The following SRRM4 variants were observed in gnomAD, a reference collection of about 807,000 sequenced individuals.
SRRM4 encodes serine/arginine repetitive matrix 4.
Under a neutral mutation model 68.9 loss-of-function variants are expected in SRRM4, and 33 were observed. The observed-to-expected ratio is 0.48, with a 90% confidence interval of 0.36 to 0.64. SRRM4 has a LOEUF of 0.64. SRRM4 is among the 30% of genes least tolerant of loss of function. SRRM4 has a pLI of 0.00. For missense variants in SRRM4, 817 were observed against 827.1 expected, an observed-to-expected ratio of 0.99 and a Z score of 0.15; for synonymous variants, 318 against 318.8, an observed-to-expected ratio of 1.00 and a Z score of 0.03.
intron 12 of SRRM4, among the ~76,000 whole-genome samples, chr12:119,155,819 G>C (rs943758872): frequency 2.0e-5 from 3 of 152,208 alleles, no homozygotes; most frequent in African/African-American, 7.2e-5. Flanking sequence ...GTGTCACACA[G>C]CTATTAAGTG....
chr12:119,003,103 T>G (rs1953395733), intron 1 of SRRM4, among the ~76,000 whole-genome samples: 1 of 151,854 alleles, frequency 6.6e-6, no homozygotes, highest in African/African-American at 2.4e-5. Flanking sequence ...GTGCTCACAG[T>G]CACCATACCA....
intron 2 of SRRM4, 146 bp from the exon 3 acceptor site, chr12:119,114,132 C>G: frequency 1.7e-6 from 1 of 588,336 alleles, no homozygotes; most frequent in Non-Finnish European, 3.1e-6. Context: ...TGAAGTGTGA[C>G]CCAATCAGCC....
chr12:119,079,685 G>A (rs1953936466), intron 1 of SRRM4, among the ~76,000 whole-genome samples: 1 of 152,112 alleles, frequency 6.6e-6, no homozygotes, highest in Non-Finnish European at 1.5e-5. Flanking sequence ...AGAGGACTTG[G>A]GGGTCAGCTA....
At chr12:119,047,608 A>G (rs1353690600) in intron 1 of SRRM4, among the ~76,000 whole-genome samples, 2 of 152,204 alleles carry the variant, frequency 1.3e-5, no homozygotes, top group Non-Finnish European at 2.9e-5. Context: ...GTGCAACTGC[A>G]GTTAGTTTAT....
chr12:119,155,902 A>G (rs995415717), intron 12 of SRRM4, among the ~76,000 whole-genome samples: 2 of 152,184 alleles, frequency 1.3e-5, no homozygotes, highest in Admixed American at 1.3e-4. Flanking sequence ...GAGGAAAGCT[A>G]AGATAGAGAG....
intron 1 of SRRM4, among the ~76,000 whole-genome samples, chr12:119,086,136 G>A (rs141816024): frequency 6.0e-4 from 91 of 152,214 alleles, no homozygotes; most frequent in South Asian, 5.4e-3. Flanking sequence ...CACCCTCAAC[G>A]TAACTAACCT....
intron 4 of SRRM4, among the ~76,000 whole-genome samples, chr12:119,117,984 C>A (rs1444517341): frequency 6.6e-6 from 1 of 152,126 alleles, no homozygotes; most frequent in Non-Finnish European, 1.5e-5. Context: ...TGGCCCAAAC[C>A]AACACTTTAT....
chr12:119,075,734 GTGA>G (rs1427577822), intron 1 of SRRM4, among the ~76,000 whole-genome samples: 5 of 145,680 alleles, frequency 3.4e-5, no homozygotes, highest in East Asian at 2.2e-4. Context: ...GGTGGTGATG[GTGA>G]TGATGATGGT....
chr12:119,118,988 T>A (rs1236025730), intron 4 of SRRM4, among the ~76,000 whole-genome samples: 1 of 151,758 alleles, frequency 6.6e-6, no homozygotes, highest in Non-Finnish European at 1.5e-5. Context: ...GCTCTTGAAA[T>A]GTTTGGTGAA....
At position 119,151,094 on chromosome 12, in the gene SRRM4, C is replaced by G; in HGVS notation, c.1154C>G (p.Pro385Arg). 1 of 1,613,950 alleles carries G rather than the reference C, an allele frequency of 6.2e-7. No individual in the cohort carries two copies. The highest frequency in any genetic ancestry group is 1.3e-5 in the African/African-American group (1 of 75,030). ...SLVPSTARSS[P>R]MKGCSRSSSY... ...GTCCCATCCACAGCCCGGAGCTCAC[C>G]CATGAAAGGGTGTTCCCGCAGCTCC... is the stretch of plus-strand genomic sequence containing the variant. The change falls in exon 10 of 13, where the codon CCC becomes CGC. Residue 385 changes from proline (P) to arginine (R), a missense_variant. Pro to Arg is a moderately radical substitution (Grantham distance 103). Coordinates refer to ENST00000267260, the MANE Select transcript of SRRM4 (RefSeq NM_194286.4).
chr12:119,027,418 A>G (rs1594033243), intron 1 of SRRM4, among the ~76,000 whole-genome samples: 2 of 152,320 alleles, frequency 1.3e-5, no homozygotes, highest in East Asian at 3.9e-4. Context: ...CCCTTTTTCA[A>G]TGGCAATTTT....
intron 1 of SRRM4, among the ~76,000 whole-genome samples, chr12:119,006,421 T>TTGAGGTAGACCAGGAGA (rs1313799030): frequency 6.6e-6 from 1 of 152,136 alleles, no homozygotes; most frequent in African/African-American, 2.4e-5. Context: ...TATGAAACCT[T>TTGAGGTAGACCAGGAGA]TGAGGTAGAC....
chr12:118,988,946 C>G (rs746319466), intron 1 of SRRM4, among the ~76,000 whole-genome samples: 7 of 152,136 alleles, frequency 4.6e-5, no homozygotes, highest in Non-Finnish European at 8.8e-5. Flanking sequence ...GAGGGAACAG[C>G]AAGTGCAAAG....
intron 1 of SRRM4, among the ~76,000 whole-genome samples, chr12:119,029,159 G>T (rs1002154707): frequency 3.9e-5 from 6 of 152,194 alleles, no homozygotes; most frequent in African/African-American, 1.4e-4. Context: ...CCTCAAGGAA[G>T]AAGGAGAAGC....
chr12:119,058,355 T>G (rs932469828), intron 1 of SRRM4, among the ~76,000 whole-genome samples: 5 of 152,210 alleles, frequency 3.3e-5, no homozygotes, highest in South Asian at 2.1e-4. Context: ...GAGTTCATAT[T>G]GTACCCCAGA....
rs201631917 is a variant in SRRM4 at position 119,007,774 on chromosome 12, ACTC to A, written c.131+25767_131+25769del. ...TTAGAGGGAGTGAGGGTTTAGCAGC[ACTC>A]CTCCTGTAAACCAGTACAGACCAAT... On this transcript the variant is annotated intron_variant, in intron 1 of 12. Transcript: ENST00000267260. Among the ~76,000 whole-genome samples, 1,405 of 151,880 alleles carry A rather than the reference ACTC, an allele frequency of 9.3e-3. 11 individuals carry two copies. The highest frequency in any genetic ancestry group is 0.014 in the Non-Finnish European group (976 of 67,920).
chr12:119,063,313 A>G (rs768357272), intron 1 of SRRM4, among the ~76,000 whole-genome samples: 9 of 152,204 alleles, frequency 5.9e-5, no homozygotes, highest in Non-Finnish European at 1.0e-4. Context: ...GTTGTGCTAT[A>G]GTAACAACCA....
At chr12:119,130,293 T>C (rs1030768474) in intron 7 of SRRM4, among the ~76,000 whole-genome samples, 7 of 150,736 alleles carry the variant, frequency 4.6e-5, no homozygotes, top group South Asian at 2.1e-4. Context: ...CTTAGACAGA[T>C]GGATGGATGG....
chr12:119,106,782 C>T (rs1024920251), intron 2 of SRRM4, among the ~76,000 whole-genome samples: 1 of 152,262 alleles, frequency 6.6e-6, no homozygotes, highest in Middle Eastern at 3.4e-3. Flanking sequence ...TCCTCTTTTC[C>T]TAATTGAATA....
Sources: allele counts gnomAD v4.1 joint callset (sites outside exome capture counted in the v4.1 genomes callset), GRCh38; gene constraint gnomAD v4.1.1; transcripts MANE v1.5; gene names NCBI Gene and HGNC (gene_info 2026-07-23, HGNC 2026-07-21).